WWOX: variants seen among roughly 807,000 people sequenced by gnomAD.
WWOX encodes the protein WW domain containing oxidoreductase.
A neutral mutation model predicts 46.2 loss-of-function variants in WWOX; 69 were observed. That is an observed-to-expected ratio of 1.49 (90% CI 1.23 to 1.82). The LOEUF is 1.82. WWOX is among the 40% of genes most tolerant of loss of function. WWOX has a pLI of 0.00. For missense variants in WWOX, 919 were observed against 542.6 expected (o/e 1.69, Z -6.89); for synonymous variants, 359 against 202.6 (o/e 1.77, Z -6.56).
At chr16:78,770,078 A>C (rs965660904) in intron 8 of WWOX, among the ~76,000 whole-genome samples, 1 of 151,596 alleles carries the variant, frequency 6.6e-6, no homozygotes, top group South Asian at 2.1e-4. Flanking sequence ...TAGGTCGGGC[A>C]TGGTGGGTCA....
At chr16:78,503,730 T>A (rs534677036) in intron 8 of WWOX, 1 of 152,326 alleles carries the variant, frequency 6.6e-6, no homozygotes, top group Admixed American at 6.5e-5. Flanking sequence ...AGAGCCTGTG[T>A]TCTATCAGTT....
At chr16:78,194,850 C>T (rs929373277) in intron 5 of WWOX, among the ~76,000 whole-genome samples, 1 of 152,162 alleles carries the variant, frequency 6.6e-6, no homozygotes, top group African/African-American at 2.4e-5. Flanking sequence ...ACTTAGAACC[C>T]ACTAACGCTC....
chr16:78,391,325 C>G (rs180885027), intron 6 of WWOX, among the ~76,000 whole-genome samples: 587 of 152,268 alleles, frequency 3.9e-3, no homozygotes, highest in Non-Finnish European at 5.9e-3. Flanking sequence ...TGTATTCTGT[C>G]TGTAGTTTGT....
intron 8 of WWOX, among the ~76,000 whole-genome samples, chr16:78,576,704 T>C (rs967846660): frequency 6.6e-6 from 1 of 152,132 alleles, no homozygotes; most frequent in Non-Finnish European, 1.5e-5. Flanking sequence ...TGATGGCTCA[T>C]AGGTGTAGTC....
At chr16:78,148,078 C>T (rs1373283616) in intron 4 of WWOX, among the ~76,000 whole-genome samples, 1 of 152,098 alleles carries the variant, frequency 6.6e-6, no homozygotes, top group Admixed American at 6.6e-5. Flanking sequence ...GCTGTGAAAA[C>T]AATGAGACAC....
rs1567441184 is a variant in WWOX, at chr16:78,619,140, AAAATATATAT to A, written c.1056+186390_1056+186399del. Among the ~76,000 whole-genome samples, 2 of 11,752 alleles carry A rather than the reference AAAATATATAT, an allele frequency of 1.7e-4. 1 individual carries two copies. Among genetic ancestry groups the A allele is most frequent in the East Asian group, 4.7e-3 (2 of 428 alleles). The allele number at this position is 11,752 out of a possible 152,430, so 7.7% of individuals were successfully genotyped here. A position where few individuals can be genotyped will look rare whatever the true frequency, so the allele number is the denominator to read the frequency against. The stretch of plus-strand genomic sequence containing the variant: ...GCAAAACCCCATTTCTACTAAAAAA[AAAATATATAT>A]ATATATATATATATATATATATATA... On this transcript the variant is annotated intron_variant, in intron 8 of 8. Coordinates refer to ENST00000566780, the MANE Select transcript of WWOX (RefSeq NM_016373.4).
At chr16:78,241,563 T>C (rs374083515) in intron 5 of WWOX, among the ~76,000 whole-genome samples, 4 of 152,140 alleles carry the variant, frequency 2.6e-5, no homozygotes, top group East Asian at 3.9e-4. Context: ...CTTAGGCTCC[T>C]GAGTGGCTGG....
At chr16:78,272,737 A>G (rs548145185) in intron 5 of WWOX, among the ~76,000 whole-genome samples, 1 of 152,164 alleles carries the variant, frequency 6.6e-6, no homozygotes, top group African/African-American at 2.4e-5. Context: ...TAACAGCAGT[A>G]GCAATAATGC....
At chr16:78,629,781 A>G (rs577056916) in intron 8 of WWOX, among the ~76,000 whole-genome samples, 3 of 152,330 alleles carry the variant, frequency 2.0e-5, no homozygotes, top group South Asian at 4.1e-4. Context: ...GGTCTTTCAT[A>G]TAAGTATTTC....
chr16:78,897,218 T>G lies in WWOX; in HGVS notation c.1057-314390T>G, dbSNP rs1200936603. The G allele has an allele frequency of 7.1e-5, 8 of 113,090 alleles. No homozygotes were observed. In the East Asian group the frequency reaches 2.3e-3, roughly 32 times the overall value. 7.0% of individuals were successfully genotyped at this position (113,090 alleles called of 1,614,324 possible). A position where few individuals can be genotyped will look rare whatever the true frequency, so the allele number is the denominator to read the frequency against. On this transcript the variant is annotated intron_variant, in intron 8 of 8. Coordinates refer to ENST00000566780, the MANE Select transcript of WWOX (RefSeq NM_016373.4). ...AAGATGGCACTGCTGCACTCTAGCC[T>G]GGGTGACAGTGAGACTGTCTTTAAA... is the stretch of plus-strand genomic sequence containing the variant.
rs1012970332 is a variant in WWOX, at chr16:78,355,713, C to G, written c.517-31147C>G. The G allele has an allele frequency of 3.6e-5, 27 of 745,992 alleles. No homozygotes were observed. The African/African-American group carries it at 4.9e-4, about 14-fold the overall frequency. The allele number at this position is 745,992 out of a possible 1,614,324, so 46.2% of individuals were successfully genotyped here. A position where few individuals can be genotyped will look rare whatever the true frequency, so the allele number is the denominator to read the frequency against. ...GGAGACGTGGAAGAAACTGTGACTA[C>G]TATAGAAATTGATGAGGAAACATAT... is the stretch of plus-strand genomic sequence containing the variant. On this transcript the variant is annotated intron_variant, in intron 5 of 8. Coordinates refer to ENST00000566780, the MANE Select transcript of WWOX (RefSeq NM_016373.4).
intron 8 of WWOX, among the ~76,000 whole-genome samples, chr16:79,176,479 G>A (rs1376647707): frequency 6.6e-6 from 1 of 152,190 alleles, no homozygotes; most frequent in African/African-American, 2.4e-5. Flanking sequence ...CTGGCAGTCT[G>A]TCACAGGAGC....
At chr16:79,144,972 G>A (rs1478537545) in intron 8 of WWOX, among the ~76,000 whole-genome samples, 2 of 152,134 alleles carry the variant, frequency 1.3e-5, no homozygotes, top group Non-Finnish European at 1.5e-5. Flanking sequence ...ACCATCTGAG[G>A]CTTTAGGCAT....
intron 8 of WWOX, among the ~76,000 whole-genome samples, chr16:78,747,949 A>C (rs1114693): frequency 0.1 from 15,817 of 152,224 alleles, 1,097 homozygotes; most frequent in Middle Eastern, 0.16. Flanking sequence ...CCTGCAGCCG[A>C]AATAACCATG....
chr16:78,409,800 T>C (rs1299205137), intron 6 of WWOX, among the ~76,000 whole-genome samples: 1 of 152,146 alleles, frequency 6.6e-6, no homozygotes, highest in Non-Finnish European at 1.5e-5. Context: ...CCACAACATC[T>C]TCAAAACCAG....
At chr16:78,928,156 A>C (rs1179784976) in intron 8 of WWOX, among the ~76,000 whole-genome samples, 1 of 151,136 alleles carries the variant, frequency 6.6e-6, no homozygotes, top group African/African-American at 2.4e-5. Flanking sequence ...TAAACCCATG[A>C]GTTTAATAAT....
rs537017793 is a variant in WWOX, at chr16:78,996,251, G to A, written c.1057-215357G>A. On this transcript the variant is annotated intron_variant, in intron 8 of 8. Coordinates refer to ENST00000566780, the MANE Select transcript of WWOX (RefSeq NM_016373.4). ...AAGAAGTAACCTTGAAAAGGGCAGA[G>A]CTGAGCCAGACCCCTTTTCAGCTGG... 3.0e-6 allele frequency: 3 copies of A among 985,104 alleles called. No individual in the cohort carries two copies. In the South Asian group the frequency reaches 1.4e-4, roughly 46 times the overall value. 61.0% of individuals were successfully genotyped at this position (985,104 alleles called of 1,614,324 possible). A position where few individuals can be genotyped will look rare whatever the true frequency, so the allele number is the denominator to read the frequency against.
chr16:79,146,942 A>G (rs2150725761), intron 8 of WWOX, among the ~76,000 whole-genome samples: 1 of 152,344 alleles, frequency 6.6e-6, no homozygotes, highest in East Asian at 1.9e-4. Context: ...TTGAAGACTC[A>G]CATGTAGTTG....
At chr16:79,094,762 A>G (rs893522935) in intron 8 of WWOX, among the ~76,000 whole-genome samples, 8 of 152,162 alleles carry the variant, frequency 5.3e-5, no homozygotes, top group African/African-American at 1.4e-4. Context: ...CTCTCATTTA[A>G]AGGAGTTTTA....
Sources: gnomAD v4.1 joint callset for allele counts (sites outside exome capture counted in the v4.1 genomes callset) on GRCh38, gnomAD v4.1.1 for gene constraint, MANE v1.5 for transcripts, NCBI Gene and HGNC (gene_info 2026-07-23, HGNC 2026-07-21) for gene names.